DOCK4: variants seen among roughly 807,000 people sequenced by gnomAD.
The protein encoded by DOCK4 is dedicator of cytokinesis protein 4.
A neutral mutation model predicts 268.1 loss-of-function variants in DOCK4; 97 were observed. The ratio of observed to expected loss-of-function variants is 0.36; its 90% CI spans 0.31 to 0.43. DOCK4 has a LOEUF of 0.43. DOCK4 is among the 20% of genes least tolerant of loss of function. The pLI, the probability that DOCK4 is intolerant of heterozygous loss-of-function variation, is 1.00. For synonymous variants in DOCK4, 954 were observed against 887.2 expected (o/e 1.08, Z -1.34); for missense variants, 2,145 against 2,455.7 (o/e 0.87, Z 2.67).
intron 12 of DOCK4, among the ~76,000 whole-genome samples, chr7:111,934,302 C>T (rs573170218): frequency 6.6e-6 from 1 of 152,054 alleles, no homozygotes; most frequent in Non-Finnish European, 1.5e-5. Flanking sequence ...GTAGTATATA[C>T]TATATGTTAC....
At chr7:111,847,440 C>A (rs954857854) in intron 23 of DOCK4, among the ~76,000 whole-genome samples, 1 of 151,776 alleles carries the variant, frequency 6.6e-6, no homozygotes, top group Non-Finnish European at 1.5e-5. Flanking sequence ...AGATCGCCTA[C>A]TGACTTTCTA....
At chr7:111,924,262 G>A (rs947505782) in intron 12 of DOCK4, among the ~76,000 whole-genome samples, 3 of 152,138 alleles carry the variant, frequency 2.0e-5, no homozygotes, top group Non-Finnish European at 4.4e-5. Context: ...TCTTTAGTGG[G>A]TGTTGTTTTT....
At chr7:112,087,537 T>C (rs1809209404) in intron 1 of DOCK4, among the ~76,000 whole-genome samples, 2 of 152,162 alleles carry the variant, frequency 1.3e-5, no homozygotes. Context: ...CTCTGGAATG[T>C]ACCCTTAAAG....
chr7:111,877,313 G>A, intron 16 of DOCK4, 127 bp from the exon 17 acceptor site: 1 of 895,368 alleles, frequency 1.1e-6, no homozygotes, highest in Non-Finnish European at 1.5e-6. Flanking sequence ...AGTAGAATTT[G>A]GTTTTTAAAT....
At chr7:111,873,562 T>G (rs1294222084) in intron 17 of DOCK4, among the ~76,000 whole-genome samples, 1 of 152,112 alleles carries the variant, frequency 6.6e-6, no homozygotes, top group Non-Finnish European at 1.5e-5. Context: ...TTCAAATCAC[T>G]TGTTTTAGCA....
chr7:112,023,242 A>G (rs1045742909), intron 1 of DOCK4, among the ~76,000 whole-genome samples: 7 of 152,148 alleles, frequency 4.6e-5, no homozygotes, highest in Non-Finnish European at 1.0e-4. Context: ...AGCCTTTTCT[A>G]CGTATCCTTC....
intron 6 of DOCK4, among the ~76,000 whole-genome samples, chr7:111,986,806 T>C (rs1449577125): frequency 6.6e-6 from 1 of 152,220 alleles, no homozygotes. Flanking sequence ...TAATGATCTC[T>C]TCTTCCTAAG....
intron 36 of DOCK4, among the ~76,000 whole-genome samples, chr7:111,777,232 T>C (rs1035599821): frequency 6.6e-6 from 1 of 152,202 alleles, no homozygotes; most frequent in African/African-American, 2.4e-5. Context: ...TCACCTACAA[T>C]ACTGTATCCA....
chr7:111,748,104 C>A (rs1796393842), intron 42 of DOCK4, among the ~76,000 whole-genome samples: 1 of 152,148 alleles, frequency 6.6e-6, no homozygotes, highest in African/African-American at 2.4e-5. Context: ...GATAAAAGTG[C>A]TCTTCAAATG....
chr7:112,106,677 C>A (rs910576802), intron 1 of DOCK4, among the ~76,000 whole-genome samples: 16 of 152,180 alleles, frequency 1.1e-4, no homozygotes, highest in Non-Finnish European at 1.9e-4. Context: ...GATGTTACTA[C>A]CCCAGAGAGC....
intron 1 of DOCK4, among the ~76,000 whole-genome samples, chr7:112,201,916 T>C (rs1469318748): frequency 6.6e-6 from 1 of 152,222 alleles, no homozygotes; most frequent in Non-Finnish European, 1.5e-5. Flanking sequence ...CTTCTTTAGA[T>C]TGCACATGTA....
At chr7:111,982,365 T>C (rs1315997168) in intron 7 of DOCK4, among the ~76,000 whole-genome samples, 1 of 152,224 alleles carries the variant, frequency 6.6e-6, no homozygotes, top group Non-Finnish European at 1.5e-5. Flanking sequence ...ATTTATTTCA[T>C]GACACAGCCA....
At chr7:111,796,093 C>T (rs1348166473) in intron 30 of DOCK4, among the ~76,000 whole-genome samples, 1 of 152,152 alleles carries the variant, frequency 6.6e-6, no homozygotes, top group Admixed American at 6.5e-5. Context: ...CACCCTGGGG[C>T]ATCTGGGAGG....
intron 1 of DOCK4, among the ~76,000 whole-genome samples, chr7:112,034,812 G>A (rs1447462237): frequency 6.6e-6 from 1 of 152,180 alleles, no homozygotes; most frequent in Non-Finnish European, 1.5e-5. Context: ...TGAGGCAGGA[G>A]AACTGCTTGA....
chr7:111,994,852 T>C (rs921487373), intron 4 of DOCK4, among the ~76,000 whole-genome samples: 2 of 152,172 alleles, frequency 1.3e-5, no homozygotes, highest in Non-Finnish European at 2.9e-5. Flanking sequence ...ATCACCGATA[T>C]TTGAATATTC....
intron 47 of DOCK4, 150 bp downstream of exon 47, chr7:111,740,944 C>A: frequency 1.1e-6 from 1 of 874,320 alleles, no homozygotes; most frequent in South Asian, 1.7e-5. Context: ...ACTCTAGAGA[C>A]CCATAAAGCA....
intron 22 of DOCK4, 63 bp from the exon 23 acceptor site, chr7:111,863,627 C>T (rs1175682109): frequency 1.7e-5 from 25 of 1,468,554 alleles, no homozygotes; most frequent in South Asian, 4.2e-5. Context: ...TGCTGCAAAA[C>T]GTCAGTGAGT....
rs1004626061 is a variant in DOCK4, at chr7:111,784,046, G to C, written c.3428+51C>G. The C allele has an allele frequency of 7.6e-6, 12 of 1,574,726 alleles. No individual in the cohort carries two copies. The African/African-American group carries it at 1.5e-4, about 19-fold the overall frequency. On this transcript the variant is annotated intron_variant, in intron 33 of 52. Coordinates refer to ENST00000428084, the MANE Select transcript of DOCK4 (RefSeq NM_001363540.2). ...TTTCATCAGTACCTTAAATGCCTTA[G>C]CAACCACTGCAACATCTCACAAGTA...
intron 1 of DOCK4, among the ~76,000 whole-genome samples, chr7:112,030,262 A>G (rs905036015): frequency 6.6e-6 from 1 of 152,232 alleles, no homozygotes; most frequent in African/African-American, 2.4e-5. Context: ...GGCTGGGATG[A>G]GCATTCATGT....
Sources: allele counts gnomAD v4.1 joint callset (sites outside exome capture counted in the v4.1 genomes callset), GRCh38; gene constraint gnomAD v4.1.1; transcripts MANE v1.5; gene names NCBI Gene and HGNC (gene_info 2026-07-23, HGNC 2026-07-21).